Variants in DOCK4 observed in about 807,000 individuals in gnomAD.
DOCK4 encodes the protein dedicator of cytokinesis 4, also known as dedicator of cytokinesis protein 4.
Under a neutral mutation model 268.1 loss-of-function variants are expected in DOCK4, and 97 were observed. The observed-to-expected ratio is 0.36, with a 90% CI of 0.31 to 0.43. The LOEUF is 0.43. DOCK4 is among the 20% of genes least tolerant of loss of function. The pLI is 1.00. For synonymous variants in DOCK4, 954 were observed against 887.2 expected (o/e 1.08, Z -1.34); for missense variants, 2,145 against 2,455.7 (o/e 0.87, Z 2.67).
At chr7:112,182,051 G>T (rs1819098730) in intron 1 of DOCK4, among the ~76,000 whole-genome samples, 1 of 152,136 alleles carries the variant, frequency 6.6e-6, no homozygotes, top group African/African-American at 2.4e-5. Context: ...GCATTCTAGA[G>T]TCACACCACC....
At chr7:112,014,047 T>C (rs573183165) in intron 1 of DOCK4, among the ~76,000 whole-genome samples, 2 of 152,366 alleles carry the variant, frequency 1.3e-5, no homozygotes, top group Admixed American at 6.5e-5. Context: ...GACTTATTTA[T>C]TAAATTAATA....
At chr7:111,889,772 C>A (rs1419996589) in intron 16 of DOCK4, among the ~76,000 whole-genome samples, 1 of 152,162 alleles carries the variant, frequency 6.6e-6, no homozygotes, top group African/African-American at 2.4e-5. Context: ...TTAAATTAAT[C>A]CCTCTCCAAC....
rs1018884585 is a variant in DOCK4 at position 111,780,164 on chromosome 7, A to G, written c.3586-1795T>C. On this transcript the variant is annotated intron_variant, in intron 35 of 52. Coordinates refer to ENST00000428084, the MANE Select transcript of DOCK4 (RefSeq NM_001363540.2). ...TTGAAGCCTGAGGATCTGCTATCAA[A>G]TGTACTTTCCGCCCATTACCTAACA... 9.2e-5 allele frequency among the ~76,000 whole-genome samples: 14 copies of G among 152,328 alleles called. No individual in the cohort carries two copies. The Middle Eastern group carries it at 0.014, about 148-fold the overall frequency.
chr7:112,189,351 C>T (rs1819726245), intron 1 of DOCK4, among the ~76,000 whole-genome samples: 1 of 151,630 alleles, frequency 6.6e-6, no homozygotes, highest in South Asian at 2.1e-4. Flanking sequence ...GTTGGAAAAG[C>T]ACCCCAAACT....
At chr7:111,756,915 T>C (rs1430833663) in intron 41 of DOCK4, among the ~76,000 whole-genome samples, 23 of 151,654 alleles carry the variant, frequency 1.5e-4, no homozygotes. Flanking sequence ...GTTCAAGGCT[T>C]TGGGGGCCAA....
chr7:111,787,649 T>A (rs1799267677), intron 32 of DOCK4, among the ~76,000 whole-genome samples: 1 of 152,224 alleles, frequency 6.6e-6, no homozygotes, highest in African/African-American at 2.4e-5. Context: ...CAAGCCTATA[T>A]ATTAATGTTT....
intron 1 of DOCK4, among the ~76,000 whole-genome samples, chr7:112,085,418 A>C (rs940055887): frequency 2.0e-5 from 3 of 152,000 alleles, no homozygotes; most frequent in African/African-American, 7.3e-5. Context: ...ATATATAAAA[A>C]CTCATGAGTT....
intron 23 of DOCK4, among the ~76,000 whole-genome samples, chr7:111,849,678 A>T (rs1804394671): frequency 6.6e-6 from 1 of 152,184 alleles, no homozygotes; most frequent in Non-Finnish European, 1.5e-5. Context: ...CTGTATGCCT[A>T]GGCAAGCTTG....
intron 1 of DOCK4, among the ~76,000 whole-genome samples, chr7:112,085,101 C>A (rs969852285): frequency 1.3e-5 from 2 of 152,086 alleles, no homozygotes; most frequent in Non-Finnish European, 2.9e-5. Flanking sequence ...AACTGCCACA[C>A]AGATCATATC....
chr7:111,886,533 T>C (rs902838495), intron 16 of DOCK4, among the ~76,000 whole-genome samples: 1 of 152,032 alleles, frequency 6.6e-6, no homozygotes, highest in Admixed American at 6.5e-5. Context: ...TCGAAAAGGA[T>C]GGTCTTTGAT....
intron 1 of DOCK4, among the ~76,000 whole-genome samples, chr7:112,180,920 G>A (rs1818973176): frequency 6.6e-6 from 1 of 152,220 alleles, no homozygotes; most frequent in Admixed American, 6.5e-5. Flanking sequence ...CATGATAGTT[G>A]CATTTTTAAG....
At position 111,991,961 on chromosome 7, in the gene DOCK4, C is replaced by CAA. The variant is rs60667093; in HGVS notation, c.315+2172_315+2173dup. 1.4e-3 allele frequency among the ~76,000 whole-genome samples: 72 copies of CAA among 50,908 alleles called. 1 individual carries two copies. The highest frequency in any genetic ancestry group is 3.4e-3 in the African/African-American group (41 of 12,234). The allele number at this position is 50,908 out of a possible 152,430, so 33.4% of individuals were successfully genotyped here. Reference sequence around the variant, plus strand: ...GGGCAACAGAGAGAGACTCTGTCTCCAAAAAAAAAAAAAAAAAAAAAAAAA... The same window carrying CAA: ...GGGCAACAGAGAGAGACTCTGTCTCCAAAAAAAAAAAAAAAAAAAAAAAAAAA... On this transcript the variant is annotated intron_variant, in intron 5 of 52. Coordinates refer to ENST00000428084, the MANE Select transcript of DOCK4 (RefSeq NM_001363540.2).
intron 11 of DOCK4, among the ~76,000 whole-genome samples, chr7:111,936,728 T>C (rs548610921): frequency 6.6e-6 from 1 of 152,332 alleles, no homozygotes; most frequent in African/African-American, 2.4e-5. Flanking sequence ...TTCTGTACAC[T>C]ATCAATCAAA....
chr7:112,002,643 TA>T lies in DOCK4; in HGVS notation c.121+1404del, dbSNP rs200652356. ...TCATCTATAATAAACCTTGATATGA[TA>T]AAAATATCATCATAATATAAATTCC... On this transcript the variant is annotated intron_variant, in intron 2 of 52. Coordinates refer to ENST00000428084, the MANE Select transcript of DOCK4 (RefSeq NM_001363540.2). Among the ~76,000 whole-genome samples, 544 of 152,312 alleles carry T rather than the reference TA, an allele frequency of 3.6e-3. 5 individuals carry two copies. The highest frequency in any genetic ancestry group is 0.012 in the African/African-American group (508 of 41,560).
At chr7:111,739,890 A>G (rs1450219595) in intron 47 of DOCK4, 3 of 304,768 alleles carry the variant, frequency 9.8e-6, no homozygotes, top group African/African-American at 6.7e-5. Flanking sequence ...CTTTCCAAAG[A>G]TAGTGGTGAG....
chr7:111,872,356 TTAGA>T lies in DOCK4; in HGVS notation c.1843-8_1843-5del. 3 of 1,546,282 alleles carry T rather than the reference TTAGA, an allele frequency of 1.9e-6. No individual in the cohort carries two copies. Among genetic ancestry groups the T allele is most frequent in the Middle Eastern group, 2.0e-4 (1 of 4,980 alleles). ...TATCCAGTGTATCCTGCAGAAACTG[TTAGA>T]TAAAGAAGTAGCAAATGAGTAAATA... On this transcript the variant is annotated splice_region_variant and splice_polypyrimidine_tract_variant and intron_variant, in intron 18 of 52. Transcript: ENST00000428084.
chr7:111,962,810 T>C (rs1011335623), intron 8 of DOCK4, among the ~76,000 whole-genome samples: 1 of 152,200 alleles, frequency 6.6e-6, no homozygotes, highest in Non-Finnish European at 1.5e-5. Context: ...GAAAAATACC[T>C]AGAAAAGTAT....
chr7:111,915,968 G>A, intron 12 of DOCK4, 64 bp from the exon 13 acceptor site: 1 of 1,538,798 alleles, frequency 6.5e-7, no homozygotes, highest in Non-Finnish European at 8.8e-7. Flanking sequence ...AGAAACTGAT[G>A]TGTTGCAACA....
rs1821391003 is a variant in DOCK4, at chr7:112,206,164, G to C, written c.-26C>G. 2 of 1,568,012 alleles carry C rather than the reference G, an allele frequency of 1.3e-6. No homozygotes were observed. The highest frequency in any genetic ancestry group is 1.9e-5 in the Admixed American group (1 of 53,232). On this transcript the variant is annotated 5_prime_UTR_variant, in exon 1 of 53. Coordinates refer to ENST00000428084, the MANE Select transcript of DOCK4 (RefSeq NM_001363540.2). ...GGCTAAAGGGGCTCCGGGGTCTTCA[G>C]GCTTTGTAATCCCCGCGCCCCTTCT...
Sources: allele counts gnomAD v4.1 joint callset (sites outside exome capture counted in the v4.1 genomes callset), GRCh38; gene constraint gnomAD v4.1.1; transcripts MANE v1.5; gene names NCBI Gene and HGNC (gene_info 2026-07-23, HGNC 2026-07-21).